PLD4: variants seen among roughly 807,000 people sequenced by gnomAD.
The protein encoded by PLD4 is phospholipase D family member 4, also known as 5'-3' exonuclease PLD4.
PLD4 carries 54 observed loss-of-function variants against 52.3 expected under a neutral mutation model. The ratio of observed to expected loss-of-function variants is 1.03; its 90% CI spans 0.83 to 1.30. PLD4 has a LOEUF of 1.30. Ranked by LOEUF, PLD4 falls within the 50% of genes most tolerant of loss-of-function variation. The pLI, the probability that PLD4 is intolerant of heterozygous loss-of-function variation, is 0.00. For synonymous variants in PLD4, 264 were observed against 286.5 expected (o/e 0.92, Z 0.79); for missense variants, 731 against 671.1 (o/e 1.09, Z -0.99).
At position 104,924,993 on chromosome 14, in the gene PLD4, A is replaced by G. The variant is rs1240970349; in HGVS notation, c.-1+3A>G. Reference sequence around the variant, plus strand: ...ACACCAAGGCAGGACCCCCAGAGGTATGTGCCAATGAGGCCAGGGCAGCTG... The same window carrying G: ...ACACCAAGGCAGGACCCCCAGAGGTGTGTGCCAATGAGGCCAGGGCAGCTG... On this transcript the variant is annotated splice_donor_region_variant and intron_variant, in intron 1 of 10. Coordinates refer to ENST00000392593, the MANE Select transcript of PLD4 (RefSeq NM_138790.5). The surrounding 1 kb of genome is among the most constrained non-coding windows in gnomAD (Gnocchi z 4.4). 2.6e-5 allele frequency: 4 copies of G among 152,590 alleles called. No homozygotes were observed. The highest frequency in any genetic ancestry group is 5.9e-5 in the Non-Finnish European group (4 of 68,318). 9.5% of individuals were successfully genotyped at this position (152,590 alleles called of 1,614,324 possible). A position where few individuals can be genotyped will look rare whatever the true frequency, so the allele number is the denominator to read the frequency against.
intron 7 of PLD4, 124 bp downstream of exon 7, chr14:104,931,066 C>A: frequency 1.8e-6 from 2 of 1,116,266 alleles, no homozygotes; most frequent in Non-Finnish European, 2.6e-6. Context: ...CTCAGGCAGC[C>A]AGCACCATGG....
At chr14:104,937,190 G>A (rs2140810820), downstream of PLD4, 1 of 152,384 alleles carries the variant, frequency 6.6e-6, no homozygotes. Flanking sequence ...GACCAGGAGT[G>A]TGTGGGAGGA....
At chr14:104,929,493 C>T in intron 5 of PLD4, 66 bp downstream of exon 5, 1 of 1,481,560 alleles carries the variant, frequency 6.7e-7, no homozygotes, top group Non-Finnish European at 9.0e-7. Context: ...TGGCTGGCAC[C>T]ACAGGACAAG....
intron 1 of PLD4, 148 bp from the exon 2 acceptor site, chr14:104,926,993 G>T: frequency 1.6e-6 from 1 of 624,158 alleles, no homozygotes. Flanking sequence ...CCAACATCCA[G>T]GGCGTGACCT....
Position 104,929,306 on chromosome 14 carries a change from G to C in PLD4, c.469-1G>C. ...CTCTCATGGCTGGCCTGGCCTTGCAGGGAGAGGCTCTTCTGCAGAAGCTGC... is the reference window on the plus strand; with the variant it reads ...CTCTCATGGCTGGCCTGGCCTTGCACGGAGAGGCTCTTCTGCAGAAGCTGC... On this transcript the variant is annotated splice_acceptor_variant, in intron 4 of 10. Transcript: ENST00000392593. LOFTEE classifies it high-confidence loss of function. 1 of 1,584,456 alleles carries C rather than the reference G, an allele frequency of 6.3e-7. No individual in the cohort carries two copies. Among genetic ancestry groups the C allele is most frequent in the South Asian group, 1.2e-5 (1 of 86,650 alleles).
rs767786871 is a variant in PLD4, at chr14:104,931,993, C to T, written c.1059-19C>T. 1.9e-6 allele frequency: 3 copies of T among 1,557,992 alleles called. No homozygotes were observed. The highest frequency in any genetic ancestry group is 1.7e-6 in the Non-Finnish European group (2 of 1,153,534). On this transcript the variant is annotated intron_variant, in intron 8 of 10. Transcript: ENST00000392593. ...CGGGCCCGGCTTGTAAGCAGAGCCC[C>T]GTCCCTCCCCACCCCAAGGTACTGG...
In PLD4 at chr14:104,928,945, C is replaced by T. The variant is rs903121432; in HGVS notation, c.468+13C>T. 11 of 1,578,596 alleles carry T rather than the reference C, an allele frequency of 7.0e-6. No individual in the cohort carries two copies. The highest frequency in any genetic ancestry group is 8.7e-6 in the Non-Finnish European group (10 of 1,155,256). ...GTCTTCCCAGCTGGTGCGCCCCGCCCTGGCCCCACCGCATCCTGGTGCTGG... is the reference window on the plus strand; with the variant it reads ...GTCTTCCCAGCTGGTGCGCCCCGCCTTGGCCCCACCGCATCCTGGTGCTGG... On this transcript the variant is annotated intron_variant, in intron 4 of 10. Transcript: ENST00000392593.
rs1897509885 is a variant in PLD4, at chr14:104,927,840, G to C, written c.258G>C (p.Glu86Asp). Reference sequence around the variant, plus strand: ...CAGCTTGGGAGCCCCTGGAAGCAGAGGCCAGGCAGCAGAGGGACTCCTGCC... The same window carrying C: ...CAGCTTGGGAGCCCCTGGAAGCAGACGCCAGGCAGCAGAGGGACTCCTGCC... ...SSPAWEPLEA[E>D]ARQQRDSCQL... Residue 86 changes from glutamate (E) to aspartate (D), a missense_variant, in exon 3 of 11, where the codon GAG becomes GAC. Coordinates refer to ENST00000392593, the MANE Select transcript of PLD4 (RefSeq NM_138790.5). 1 of 1,584,572 alleles carries C rather than the reference G, an allele frequency of 6.3e-7. No homozygotes were observed. The highest frequency in any genetic ancestry group is 1.7e-4 in the Middle Eastern group (1 of 5,950).
At chr14:104,935,779 C>A (rs1159005199), downstream of PLD4, 1 of 152,196 alleles carries the variant, frequency 6.6e-6, no homozygotes, top group African/African-American at 2.4e-5. Flanking sequence ...CTCCAGCCCC[C>A]AACTAGCAAG....
At chr14:104,927,097 G>A in intron 1 of PLD4, 44 bp from the exon 2 acceptor site, 1 of 1,503,282 alleles carries the variant, frequency 6.7e-7, no homozygotes, top group Non-Finnish European at 8.9e-7. Flanking sequence ...GGGCAGTTCT[G>A]GGCAGAGCTG....
rs1206771749 is a variant in PLD4, at chr14:104,932,944, G to A, written c.1501G>A (p.Asp501Asn). The A allele has an allele frequency of 6.3e-7, 1 of 1,594,374 alleles. No individual in the cohort carries two copies. Among genetic ancestry groups the A allele is most frequent in the Non-Finnish European group, 8.5e-7 (1 of 1,172,222 alleles). ...VGLDGQAPGQ[D>N]CVWQG ...CCTGGACGGACAGGCTCCGGGCCAG[G>A]ACTGCGTTTGGCAGGGCTGAGGGGG... Residue 501 changes from aspartate to asparagine, a missense_variant, in exon 11 of 11, where the codon GAC (aspartate) becomes AAC (asparagine). By Grantham distance (23) the Asp-to-Asn change is conservative (BLOSUM62 1). Coordinates refer to ENST00000392593, the MANE Select transcript of PLD4 (RefSeq NM_138790.5). This position sits in a 1 kb window ranked among gnomAD's most constrained non-coding sequence, Gnocchi z 6.5.
intron 5 of PLD4, 40 bp from the exon 6 acceptor site, chr14:104,929,938 G>C: frequency 6.2e-7 from 1 of 1,609,858 alleles, no homozygotes; most frequent in Middle Eastern, 1.7e-4. Flanking sequence ...CTAGCACTTA[G>C]CAAGACCTAG....
chr14:104,929,318 T>C lies in PLD4; in HGVS notation c.480T>C (p.Leu160=). 1.3e-6 allele frequency: 2 copies of C among 1,582,436 alleles called. No homozygotes were observed. The highest frequency in any genetic ancestry group is 1.2e-5 in the South Asian group (1 of 86,464). Residue 160 remains leucine, a synonymous_variant, in exon 5 of 11, where the codon CTT becomes CTC. Coordinates refer to ENST00000392593, the MANE Select transcript of PLD4 (RefSeq NM_138790.5). ...GCCTGGCCTTGCAGGGAGAGGCTCTTCTGCAGAAGCTGCAGCAGCTGCTGG... is the reference window on the plus strand; with the variant it reads ...GCCTGGCCTTGCAGGGAGAGGCTCTCCTGCAGAAGCTGCAGCAGCTGCTGG... ...NDSSSQLGEA[L]LQKLQQLLGR... is the part of the protein sequence containing the mutation.
chr14:104,926,628 C>G (rs1413741548), intron 1 of PLD4, among the ~76,000 whole-genome samples: 1 of 152,210 alleles, frequency 6.6e-6, no homozygotes. Context: ...GGGGCCAAGA[C>G]AGGAGCCCAG....
rs778485913 is a variant in PLD4 at position 104,931,878 on chromosome 14, A to AC, written c.1055dup (p.Arg353GlufsTer130). The AC allele has an allele frequency of 1.9e-6, 3 of 1,538,622 alleles. No individual in the cohort carries two copies. The highest frequency in any genetic ancestry group is 2.6e-6 in the Non-Finnish European group (3 of 1,138,974). On this transcript the variant is annotated frameshift_variant, in exon 8 of 11. Transcript: ENST00000392593. LOFTEE classifies it high-confidence loss of function. ...TATTTCCCCACCACGCGCTTCAGCC[A>AC]CCCCCCGAGGTAGGTCTGAGTGGGA...
chr14:104,926,355 G>A (rs551553482), intron 1 of PLD4, among the ~76,000 whole-genome samples: 3 of 152,300 alleles, frequency 2.0e-5, no homozygotes, highest in Non-Finnish European at 2.9e-5. Context: ...TGGCACCTGG[G>A]GCAGCCTGAC....
intron 5 of PLD4, 45 bp from the exon 6 acceptor site, chr14:104,929,933 A>C: frequency 7.5e-6 from 12 of 1,608,172 alleles, no homozygotes; most frequent in Non-Finnish European, 1.0e-5. Flanking sequence ...TGAAGCTAGC[A>C]CTTAGCAAGA....
rs1190579667 is a variant in PLD4 at position 104,932,845 on chromosome 14, C to T, written c.1402C>T (p.Pro468Ser). The T allele has an allele frequency of 6.2e-7, 1 of 1,604,498 alleles. No homozygotes were observed. The highest frequency in any genetic ancestry group is 8.5e-7 in the Non-Finnish European group (1 of 1,176,222). The change falls in exon 11 of 11, where the codon CCC (proline) becomes TCC (serine). Residue 468 changes from proline to serine, a missense_variant. By Grantham distance (74) the Pro-to-Ser change is moderately conservative. Transcript: ENST00000392593. The surrounding 1 kb of genome is among the most constrained non-coding windows in gnomAD (Gnocchi z 6.5). ...GGTCACCCAGAGCCCTGGCGCGCAGCCCGCGGGGGCCACGGTGCAGGAGCA... is the reference window on the plus strand; with the variant it reads ...GGTCACCCAGAGCCCTGGCGCGCAGTCCGCGGGGGCCACGGTGCAGGAGCA... ...LVVTQSPGAQPAGATVQEQLR... is the reference protein window; with the variant it reads ...LVVTQSPGAQSAGATVQEQLR...
chr14:104,931,766 T>C lies in PLD4; in HGVS notation c.937T>C (p.Cys313Arg). The stretch of plus-strand genomic sequence containing the variant: ...GTCACAGGCGTCGCCACCAGCACTC[T>C]GTCCCCAGGGCCGCACCCGGGACCT... ...AYFSASPPAL[C>R]PQGRTRDLEA... Residue 313 changes from cysteine (C) to arginine (R), a missense_variant, in exon 8 of 11, where the codon TGT (cysteine) becomes CGT (arginine). Coordinates refer to ENST00000392593, the MANE Select transcript of PLD4 (RefSeq NM_138790.5). The C allele has an allele frequency of 6.3e-7, 1 of 1,588,006 alleles. No individual in the cohort carries two copies. Among genetic ancestry groups the C allele is most frequent in the Non-Finnish European group, 8.6e-7 (1 of 1,168,656 alleles).
Sources: allele counts gnomAD v4.1 joint callset (sites outside exome capture counted in the v4.1 genomes callset), GRCh38; gene constraint gnomAD v4.1.1; non-coding constraint Gnocchi (gnomAD v3.1); transcripts MANE v1.5; gene names NCBI Gene and HGNC (gene_info 2026-07-23, HGNC 2026-07-21).